Variants in VPS13B observed in about 807,000 individuals in gnomAD.
VPS13B encodes the protein vacuolar protein sorting 13 homolog B.
In VPS13B, 285 loss-of-function variants were observed where a neutral mutation model predicts 426.4. That is an observed-to-expected ratio of 0.67 (90% CI 0.61 to 0.74). The LOEUF is 0.74. VPS13B is among the 30% of genes least tolerant of loss of function. The pLI is 0.00. For synonymous variants in VPS13B, 1,676 were observed against 1,676.4 expected (o/e 1.00, Z 0.01); for missense variants, 4,537 against 4,782.6 (o/e 0.95, Z 1.51).
At chr8:99,487,512 C>A (rs2133570842) in intron 25 of VPS13B, among the ~76,000 whole-genome samples, 1 of 152,210 alleles carries the variant, frequency 6.6e-6, no homozygotes, top group South Asian at 2.1e-4. Context: ...TGGCATTAGG[C>A]ACACTCACAG....
chr8:99,696,950 G>A (rs1832035468), intron 35 of VPS13B: 1 of 675,392 alleles, frequency 1.5e-6, no homozygotes, highest in East Asian at 2.9e-5. Context: ...GCTGAGGAGG[G>A]GTGGACAACC....
chr8:99,640,083 A>AG (rs1164217976), intron 33 of VPS13B, among the ~76,000 whole-genome samples: 18 of 149,894 alleles, frequency 1.2e-4, no homozygotes, highest in African/African-American at 3.4e-4. Flanking sequence ...AAAGAAAAGA[A>AG]AAGAAAAGAA....
At chr8:99,113,284 T>G (rs894550820) in intron 6 of VPS13B, among the ~76,000 whole-genome samples, 10 of 152,126 alleles carry the variant, frequency 6.6e-5, no homozygotes, top group African/African-American at 2.4e-4. Context: ...TGTTTTTTTG[T>G]AGAGACGGAG....
chr8:99,478,451 T>G (rs1563752118), intron 24 of VPS13B, among the ~76,000 whole-genome samples: 10 of 124,448 alleles, frequency 8.0e-5, no homozygotes, highest in Non-Finnish European at 1.5e-4. Flanking sequence ...TGTTTTGTTT[T>G]TTTTTTTTTT....
At chr8:99,699,472 T>C in intron 35 of VPS13B, 53 bp from the exon 36 acceptor site, 1 of 1,589,166 alleles carries the variant, frequency 6.3e-7, no homozygotes, top group South Asian at 1.1e-5. Flanking sequence ...AAGTAAAGGC[T>C]TGTATTCAGT....
intron 17 of VPS13B, among the ~76,000 whole-genome samples, chr8:99,268,358 G>A (rs142924648): frequency 3.0e-4 from 45 of 152,306 alleles, no homozygotes; most frequent in African/African-American, 8.9e-4. Context: ...CCATGTGGCC[G>A]GAGAAGCTGC....
chr8:99,865,742 G>A (rs904539467), intron 58 of VPS13B, among the ~76,000 whole-genome samples: 1 of 152,220 alleles, frequency 6.6e-6, no homozygotes, highest in African/African-American at 2.4e-5. Flanking sequence ...GTTACTTTCT[G>A]GAAGGGCGAG....
chr8:99,746,514 G>A (rs1417694792), intron 39 of VPS13B, among the ~76,000 whole-genome samples: 1 of 152,152 alleles, frequency 6.6e-6, no homozygotes, highest in Non-Finnish European at 1.5e-5. Flanking sequence ...AGCAAGTTCT[G>A]TGCGCCAGAA....
intron 15 of VPS13B, among the ~76,000 whole-genome samples, chr8:99,166,245 A>G (rs939676395): frequency 7.2e-5 from 11 of 152,290 alleles, no homozygotes; most frequent in Admixed American, 4.6e-4. Context: ...TCTGTCTCCC[A>G]AAGTGCTGGG....
At chr8:99,496,916 T>C (rs1413354849) in intron 25 of VPS13B, among the ~76,000 whole-genome samples, 1 of 151,748 alleles carries the variant, frequency 6.6e-6, no homozygotes, top group African/African-American at 2.4e-5. Flanking sequence ...AGGCAAATTA[T>C]TTAGTGTTTT....
chr8:99,819,829 G>A (rs994903321), intron 48 of VPS13B, 92 bp from the exon 49 acceptor site: 8 of 1,482,200 alleles, frequency 5.4e-6, no homozygotes, highest in Non-Finnish European at 7.5e-6. Context: ...TATCATGCAG[G>A]AGCATGGTGT....
At chr8:99,611,717 C>T (rs779609117) in intron 33 of VPS13B, among the ~76,000 whole-genome samples, 2 of 151,878 alleles carry the variant, frequency 1.3e-5, no homozygotes, top group Non-Finnish European at 2.9e-5. Flanking sequence ...TTGCTTTTTG[C>T]TCTCTTTTAA....
At chr8:99,782,797 G>C (rs1030048555) in intron 42 of VPS13B, among the ~76,000 whole-genome samples, 1 of 152,132 alleles carries the variant, frequency 6.6e-6, no homozygotes, top group Non-Finnish European at 1.5e-5. Flanking sequence ...CTCAACAGCA[G>C]TCAAGTTTTG....
At chr8:99,038,298 C>T in intron 2 of VPS13B, 125 bp from the exon 3 acceptor site, 1 of 688,368 alleles carries the variant, frequency 1.5e-6, no homozygotes, top group Non-Finnish European at 2.3e-6. Flanking sequence ...AAATATTAAG[C>T]ACTAAACAAT....
chr8:99,140,683 C>T (rs1464095244), intron 12 of VPS13B, among the ~76,000 whole-genome samples: 1 of 126,372 alleles, frequency 7.9e-6, no homozygotes, highest in South Asian at 2.4e-4. Context: ...TCTCCCCTTC[C>T]TCACCCTCCT....
intron 34 of VPS13B, among the ~76,000 whole-genome samples, chr8:99,657,886 A>G (rs767261077): frequency 2.3e-4 from 35 of 152,220 alleles, no homozygotes; most frequent in Non-Finnish European, 4.9e-4. Context: ...TCATGCAAAA[A>G]TACTGCATGT....
Position 99,818,395 on chromosome 8 carries a change from G to A in VPS13B, c.8362-56G>A, listed in dbSNP as rs2130812774. 4 of 1,495,212 alleles carry A rather than the reference G, an allele frequency of 2.7e-6. No individual in the cohort carries two copies. The East Asian group carries it at 9.0e-5, about 34-fold the overall frequency. 92.6% of individuals were successfully genotyped at this position (1,495,212 alleles called of 1,614,324 possible). On this transcript the variant is annotated intron_variant, in intron 45 of 61. Transcript: ENST00000357162. ...AACTGATGTATCTGTGCCTTATTTT[G>A]ATTAATTAGTAAACTGCTTAGTATT... is the stretch of plus-strand genomic sequence containing the variant.
chr8:99,681,783 ATTTGTAATCCTTAATTACTAAAT>A (rs1177733858), intron 35 of VPS13B, among the ~76,000 whole-genome samples: 5 of 152,226 alleles, frequency 3.3e-5, no homozygotes, highest in Non-Finnish European at 5.9e-5. Flanking sequence ...GAGAGGTTGC[ATTTGTAATCCTTAATTACTAAAT>A]TTAAGGTAAT....
At chr8:99,417,590 G>A (rs1296697252) in intron 21 of VPS13B, among the ~76,000 whole-genome samples, 1 of 152,106 alleles carries the variant, frequency 6.6e-6, no homozygotes. Flanking sequence ...TTTAGGCCAG[G>A]AGAAAGGAAT....
Sources: gnomAD v4.1 joint callset for allele counts (sites outside exome capture counted in the v4.1 genomes callset) on GRCh38, gnomAD v4.1.1 for gene constraint, MANE v1.5 for transcripts, NCBI Gene and HGNC (gene_info 2026-07-23, HGNC 2026-07-21) for gene names.